Variants in SCIN observed in about 807,000 individuals in gnomAD.
The protein encoded by SCIN is adseverin.
In SCIN, 91 loss-of-function variants were observed where a neutral mutation model predicts 91.8. The ratio of observed to expected loss-of-function variants is 0.99; its 90% CI spans 0.84 to 1.18. The LOEUF is 1.18. Among genes scored for constraint, SCIN ranks in the 50% most tolerant of loss-of-function variants. The pLI, the probability that SCIN is intolerant of heterozygous loss-of-function variation, is 0.00. For missense variants in SCIN, 1,087 were observed against 863.9 expected (o/e 1.26, Z -3.24); for synonymous variants, 367 against 312.6 (o/e 1.17, Z -1.84).
intron 7 of SCIN, chr7:12,626,296 C>A (rs1400517492): frequency 2.2e-5 from 9 of 401,124 alleles, no homozygotes; most frequent in East Asian, 1.4e-4. Context: ...ACAAGGAACA[C>A]AATGAGATCA....
chr7:12,574,304 A>G (rs1038749425), intron 1 of SCIN, among the ~76,000 whole-genome samples: 2 of 152,172 alleles, frequency 1.3e-5, no homozygotes, highest in African/African-American at 4.8e-5. Context: ...TTTATACTGT[A>G]TGATCCCATT....
intron 6 of SCIN, 37 bp downstream of exon 6, chr7:12,625,179 T>C (rs1428939720): frequency 1.9e-6 from 3 of 1,564,092 alleles, no homozygotes; most frequent in Non-Finnish European, 1.7e-6. Flanking sequence ...ATTTCAGATT[T>C]ATAGATATTT....
At chr7:12,574,366 TACAG>T in intron 1 of SCIN, among the ~76,000 whole-genome samples, 1 of 152,246 alleles carries the variant, frequency 6.6e-6, no homozygotes, top group Non-Finnish European at 1.5e-5. Context: ...TGCCGTTGGT[TACAG>T]ATAGGGTGAA....
rs886754753 is a variant in SCIN, at chr7:12,644,767, G to C, written c.1881+62G>C. 16 of 1,513,534 alleles carry C rather than the reference G, an allele frequency of 1.1e-5. No individual in the cohort carries two copies. The East Asian group carries it at 4.0e-4, about 38-fold the overall frequency. The allele number at this position is 1,513,534 out of a possible 1,614,324, so 93.8% of individuals were successfully genotyped here. ...GCGGTGGCTCATGCCTGTAATCCCA[G>C]CACTTTGGGAGGCCGAGGCAGGCAG... is the stretch of plus-strand genomic sequence containing the variant. On this transcript the variant is annotated intron_variant, in intron 13 of 15. Coordinates refer to ENST00000297029, the MANE Select transcript of SCIN (RefSeq NM_001112706.3).
intron 13 of SCIN, among the ~76,000 whole-genome samples, chr7:12,647,717 T>A (rs1338026721): frequency 6.6e-6 from 1 of 152,258 alleles, no homozygotes; most frequent in African/African-American, 2.4e-5. Flanking sequence ...ACAAATCCTT[T>A]GCCTTCTAAA....
rs771514428 is a variant in SCIN, at chr7:12,581,235, AT to A, written c.516+15del. On this transcript the variant is annotated intron_variant, in intron 3 of 15. Coordinates refer to ENST00000297029, the MANE Select transcript of SCIN (RefSeq NM_001112706.3). Reference sequence around the variant, plus strand: ...GACCTTGGCACCGTAAGTTTCATATATACACATCGATGTCTAAAGAAAAGTG... The same window carrying A: ...GACCTTGGCACCGTAAGTTTCATATAACACATCGATGTCTAAAGAAAAGTG... 3.5e-5 allele frequency: 54 copies of A among 1,548,600 alleles called. No individual in the cohort carries two copies. The highest frequency in any genetic ancestry group is 4.5e-5 in the Non-Finnish European group (52 of 1,145,048).
At chr7:12,642,570 TA>T in intron 11 of SCIN, among the ~76,000 whole-genome samples, 1 of 150,694 alleles carries the variant, frequency 6.6e-6, no homozygotes, top group East Asian at 1.9e-4. Flanking sequence ...CAGTTCTCTC[TA>T]AAGCCACCTC....
At chr7:12,637,867 T>C (rs1323820074) in intron 10 of SCIN, among the ~76,000 whole-genome samples, 2 of 142,944 alleles carry the variant, frequency 1.4e-5, no homozygotes, top group Non-Finnish European at 3.1e-5. Context: ...AGAGACAGAT[T>C]AAGATAGAGA....
In SCIN at chr7:12,633,527, A is replaced by T. The variant is rs146617580; in HGVS notation, c.1320-2518A>T. Among the ~76,000 whole-genome samples the T allele has an allele frequency of 8.1e-3, 1,229 of 152,302 alleles. 12 individuals are homozygous for T. Among genetic ancestry groups the T allele is most frequent in the Non-Finnish European group, 0.01 (692 of 68,028 alleles). On this transcript the variant is annotated intron_variant, in intron 9 of 15. Coordinates refer to ENST00000297029, the MANE Select transcript of SCIN (RefSeq NM_001112706.3). ...GGATCCAGAAGAGAGGTTTAAGATGAGTAGAGAAGTATTTGTTCAGGGTGT... is the reference window on the plus strand; with the variant it reads ...GGATCCAGAAGAGAGGTTTAAGATGTGTAGAGAAGTATTTGTTCAGGGTGT...
At chr7:12,627,732 C>T (rs889589271) in intron 8 of SCIN, among the ~76,000 whole-genome samples, 2 of 152,164 alleles carry the variant, frequency 1.3e-5, no homozygotes, top group African/African-American at 4.8e-5. Flanking sequence ...ACTTCTGGGT[C>T]TGCATCTGTC....
intron 10 of SCIN, among the ~76,000 whole-genome samples, chr7:12,639,754 C>T (rs1278377249): frequency 2.0e-5 from 3 of 151,706 alleles, no homozygotes; most frequent in Non-Finnish European, 4.4e-5. Flanking sequence ...AAGTAGAAAA[C>T]ATATTCTGTT....
chr7:12,606,844 T>G (rs1783089571), intron 4 of SCIN, among the ~76,000 whole-genome samples: 1 of 152,342 alleles, frequency 6.6e-6, no homozygotes, highest in South Asian at 2.1e-4. Flanking sequence ...TTACTGGATT[T>G]TCATTGGTTA....
At chr7:12,600,666 T>C (rs1782939482) in intron 3 of SCIN, among the ~76,000 whole-genome samples, 2 of 152,204 alleles carry the variant, frequency 1.3e-5, no homozygotes. Context: ...GATAATTAGA[T>C]GTTACAGATT....
chr7:12,593,520 A>T (rs150477853), intron 3 of SCIN, among the ~76,000 whole-genome samples: 4 of 152,180 alleles, frequency 2.6e-5, no homozygotes, highest in Admixed American at 6.5e-5. Context: ...AATAATAATT[A>T]AAAAATAAAT....
intron 1 of SCIN, among the ~76,000 whole-genome samples, chr7:12,573,713 G>A (rs1056793615): frequency 3.3e-5 from 5 of 152,128 alleles, no homozygotes; most frequent in African/African-American, 9.7e-5. Flanking sequence ...ACTGCTCCCT[G>A]TCACATCCCT....
intron 3 of SCIN, among the ~76,000 whole-genome samples, chr7:12,603,666 C>T (rs1271525459): frequency 6.6e-6 from 1 of 152,042 alleles, no homozygotes; most frequent in Non-Finnish European, 1.5e-5. Flanking sequence ...CCAAAATCTA[C>T]AATCTAAAAT....
rs1783924877 is a variant in SCIN, at chr7:12,644,711, T to A, written c.1881+6T>A. ...ACAAAACTGGAAGATTTGTTGTAAGTGTCCTTAAAAATAGTGCGATAGGGC... is the reference window on the plus strand; with the variant it reads ...ACAAAACTGGAAGATTTGTTGTAAGAGTCCTTAAAAATAGTGCGATAGGGC... On this transcript the variant is annotated splice_donor_region_variant and intron_variant, in intron 13 of 15. Transcript: ENST00000297029. 6.4e-7 allele frequency: 1 copy of A among 1,555,824 alleles called. No individual in the cohort carries two copies. The highest frequency in any genetic ancestry group is 8.7e-7 in the Non-Finnish European group (1 of 1,149,376).
At chr7:12,634,486 CA>C (rs11340159) in intron 9 of SCIN, among the ~76,000 whole-genome samples, 81,852 of 140,056 alleles carry the variant, frequency 0.58, 22,898 homozygotes, top group East Asian at 0.7. Flanking sequence ...ACTCCATCTC[CA>C]AAAAAAAAAA....
intron 4 of SCIN, among the ~76,000 whole-genome samples, chr7:12,620,374 GCAATCAC>G (rs908357851): frequency 2.0e-5 from 3 of 151,950 alleles, no homozygotes; most frequent in African/African-American, 7.2e-5. Context: ...TCAGCCCCTG[GCAATCAC>G]CATTCTACCA....
Sources: allele counts gnomAD v4.1 joint callset (sites outside exome capture counted in the v4.1 genomes callset), GRCh38; gene constraint gnomAD v4.1.1; transcripts MANE v1.5; gene names NCBI Gene and HGNC (gene_info 2026-07-23, HGNC 2026-07-21).